The following PARVA variants were observed in gnomAD, a reference collection of about 807,000 sequenced individuals.
PARVA encodes parvin alpha.
PARVA carries 25 observed loss-of-function variants against 52.6 expected under a neutral mutation model. The observed-to-expected ratio is 0.48, with a 90% CI of 0.35 to 0.66. The LOEUF (loss-of-function observed/expected upper bound fraction) is 0.66, where lower values mean the gene tolerates loss of function less well. PARVA is among the 30% of genes least tolerant of loss of function. The probability of loss-of-function intolerance (pLI) is 0.01; values close to 1 mark genes in which losing one functional copy is unlikely to be tolerated. For missense variants in PARVA, 373 were observed against 450.9 expected (o/e 0.83, Z 1.56); for synonymous variants, 185 against 179.1 (o/e 1.03, Z -0.26).
chr11:12,424,175 T>C (rs2134987334), intron 1 of PARVA, among the ~76,000 whole-genome samples: 1 of 152,302 alleles, frequency 6.6e-6, no homozygotes, highest in Admixed American at 6.5e-5. Flanking sequence ...ATATATAAAT[T>C]CTCAGATGTT....
At chr11:12,487,930 A>G (rs1223659292) in intron 4 of PARVA, among the ~76,000 whole-genome samples, 2 of 152,184 alleles carry the variant, frequency 1.3e-5, no homozygotes, top group African/African-American at 2.4e-5. Flanking sequence ...TGGAAAGGAG[A>G]CAGTTTTCAC....
intron 1 of PARVA, among the ~76,000 whole-genome samples, chr11:12,450,825 C>T (rs984667422): frequency 8.5e-5 from 13 of 152,132 alleles, no homozygotes; most frequent in Non-Finnish European, 1.5e-4. Context: ...AGATGAAGGC[C>T]GGAAGACTCA....
At chr11:12,498,150 C>T (rs1250887404) in intron 5 of PARVA, among the ~76,000 whole-genome samples, 7 of 152,180 alleles carry the variant, frequency 4.6e-5, no homozygotes, top group Non-Finnish European at 1.0e-4. Context: ...TCTCATGCCT[C>T]AGCCTCCCGA....
intron 1 of PARVA, among the ~76,000 whole-genome samples, chr11:12,395,675 C>A (rs549081185): frequency 6.6e-6 from 1 of 152,324 alleles, no homozygotes; most frequent in East Asian, 1.9e-4. Context: ...CGGCCTCTTC[C>A]ACTGGCTAGT....
At chr11:12,396,819 G>A (rs1246545616) in intron 1 of PARVA, among the ~76,000 whole-genome samples, 1 of 152,194 alleles carries the variant, frequency 6.6e-6, no homozygotes, top group Non-Finnish European at 1.5e-5. Flanking sequence ...AAAAGTAAGG[G>A]CCCCCTCTTT....
At chr11:12,405,647 A>G (rs1939893448) in intron 1 of PARVA, among the ~76,000 whole-genome samples, 1 of 152,192 alleles carries the variant, frequency 6.6e-6, no homozygotes, top group South Asian at 2.1e-4. Flanking sequence ...CATTGTTCAT[A>G]TATCTAATAT....
intron 1 of PARVA, among the ~76,000 whole-genome samples, chr11:12,468,502 A>T (rs1222084838): frequency 6.6e-6 from 1 of 152,206 alleles, no homozygotes; most frequent in African/African-American, 2.4e-5. Context: ...CATTCATTGC[A>T]GACCTACTCT....
chr11:12,470,228 CTTGACAGT>C (rs1472865788), intron 1 of PARVA, among the ~76,000 whole-genome samples: 1 of 152,190 alleles, frequency 6.6e-6, no homozygotes, highest in African/African-American at 2.4e-5. Context: ...GAAGGGTGGT[CTTGACAGT>C]TTGGATTATG....
chr11:12,470,364 T>C (rs1409714828), intron 1 of PARVA, among the ~76,000 whole-genome samples: 1 of 152,242 alleles, frequency 6.6e-6, no homozygotes, highest in Non-Finnish European at 1.5e-5. Context: ...CTGGGTACTT[T>C]GCATATATTA....
chr11:12,469,100 G>A (rs911778141), intron 1 of PARVA, among the ~76,000 whole-genome samples: 3 of 152,184 alleles, frequency 2.0e-5, no homozygotes, highest in Non-Finnish European at 4.4e-5. Context: ...AACCACCAAT[G>A]TCAGCTATAC....
intron 10 of PARVA, among the ~76,000 whole-genome samples, chr11:12,516,038 C>T (rs1941563381): frequency 6.6e-6 from 1 of 152,180 alleles, no homozygotes; most frequent in Non-Finnish European, 1.5e-5. Context: ...AGGGTTTCAC[C>T]ATGTTGCCCA....
At chr11:12,501,106 CAA>C (rs112564187) in intron 5 of PARVA, among the ~76,000 whole-genome samples, 1 of 132,548 alleles carries the variant, frequency 7.5e-6, no homozygotes, top group Non-Finnish European at 1.7e-5. Context: ...AAATCCATCT[CAA>C]AAAAAAAAAA....
At chr11:12,424,338 C>G (rs961508602) in intron 1 of PARVA, among the ~76,000 whole-genome samples, 8 of 152,042 alleles carry the variant, frequency 5.3e-5, no homozygotes, top group Non-Finnish European at 1.5e-5. Flanking sequence ...TATTTATTCT[C>G]TATTTATTTT....
chr11:12,474,027 C>G (rs371358146), intron 3 of PARVA, 44 bp downstream of exon 3: 1 of 1,449,976 alleles, frequency 6.9e-7, no homozygotes, highest in Non-Finnish European at 9.5e-7. Context: ...CACTGACCCA[C>G]CATGTGTCCA....
chr11:12,389,664 G>A (rs1011052338), intron 1 of PARVA, among the ~76,000 whole-genome samples: 1 of 152,208 alleles, frequency 6.6e-6, no homozygotes, highest in South Asian at 2.1e-4. Flanking sequence ...CAAGAGAAGG[G>A]ATGGGCTTTG....
At chr11:12,416,906 A>G (rs900987683) in intron 1 of PARVA, among the ~76,000 whole-genome samples, 4 of 152,198 alleles carry the variant, frequency 2.6e-5, no homozygotes, top group African/African-American at 9.6e-5. Flanking sequence ...TTGTATGGCC[A>G]GTATCTTGGG....
At chr11:12,482,880 T>C (rs1941107330) in intron 4 of PARVA, among the ~76,000 whole-genome samples, 1 of 152,166 alleles carries the variant, frequency 6.6e-6, no homozygotes, top group African/African-American at 2.4e-5. Context: ...AAGGTGAGAT[T>C]TGGGCAAGGA....
chr11:12,381,117 C>G (rs1249335029), intron 1 of PARVA, among the ~76,000 whole-genome samples: 1 of 152,236 alleles, frequency 6.6e-6, no homozygotes, highest in East Asian at 1.9e-4. Flanking sequence ...GGTATTTCTG[C>G]AAGCCCAGGC....
chr11:12,458,197 C>T (rs1346051406), intron 1 of PARVA, among the ~76,000 whole-genome samples: 2 of 152,242 alleles, frequency 1.3e-5, no homozygotes, highest in East Asian at 1.9e-4. Flanking sequence ...AAACTTCAGC[C>T]CCGTTCCCAG....
Sources: gnomAD v4.1 joint callset for allele counts (sites outside exome capture counted in the v4.1 genomes callset) on GRCh38, gnomAD v4.1.1 for gene constraint, MANE v1.5 for transcripts, NCBI Gene and HGNC (gene_info 2026-07-23, HGNC 2026-07-21) for gene names.